SEMA4D: variants seen among roughly 807,000 people sequenced by gnomAD.
The protein encoded by SEMA4D is semaphorin 4D.
In SEMA4D, 22 loss-of-function variants were observed where a neutral mutation model predicts 74.8. The observed-to-expected ratio is 0.29, with a 90% CI of 0.21 to 0.42. The LOEUF is 0.42. SEMA4D is among the 10% of genes least tolerant of loss of function. The probability of loss-of-function intolerance (pLI) is 1.00; values close to 1 mark genes in which losing one functional copy is unlikely to be tolerated. For missense variants in SEMA4D, 937 were observed against 1,118.4 expected (o/e 0.84, Z 2.31); for synonymous variants, 445 against 463.7 (o/e 0.96, Z 0.52).
intron 5 of SEMA4D, among the ~76,000 whole-genome samples, chr9:89,397,084 C>T (rs967587468): frequency 2.0e-5 from 3 of 152,164 alleles, no homozygotes; most frequent in South Asian, 2.1e-4. Flanking sequence ...CCAACCCCAC[C>T]CCTAGGCAAA....
intron 2 of SEMA4D, among the ~76,000 whole-genome samples, chr9:89,447,558 C>A (rs1743398962): frequency 6.6e-6 from 1 of 152,148 alleles, no homozygotes; most frequent in African/African-American, 2.4e-5. Context: ...CTGGGTCCAC[C>A]TTCAAATAAG....
intron 1 of SEMA4D, among the ~76,000 whole-genome samples, chr9:89,495,375 C>G (rs1303584262): frequency 6.6e-6 from 1 of 152,216 alleles, no homozygotes; most frequent in East Asian, 1.9e-4. Context: ...AGGGAAGGCC[C>G]TGGCACACCC....
rs140768268 is a variant in SEMA4D at position 89,385,614 on chromosome 9, G to A, written c.1446+753C>T. The A allele has an allele frequency of 9.7e-4, 931 of 963,866 alleles. 3 individuals are homozygous for A. Among genetic ancestry groups the A allele is most frequent in the African/African-American group, 7.7e-3 (440 of 56,922 alleles). 59.7% of individuals were successfully genotyped at this position (963,866 alleles called of 1,614,324 possible). ...CCATTAGCAGAGGGGAGGTGACCAC[G>A]TAAAAGGACCCAGGCTCCCAAGCTT... On this transcript the variant is annotated intron_variant, in intron 13 of 15. Transcript: ENST00000422704.
intron 6 of SEMA4D, 35 bp downstream of exon 6, chr9:89,396,702 T>G: frequency 6.4e-7 from 1 of 1,559,454 alleles, no homozygotes; most frequent in South Asian, 1.1e-5. Flanking sequence ...CTGACCAGGC[T>G]GGCGTGAGCA....
At chr9:89,382,806 A>G (rs1837447218) in intron 13 of SEMA4D, among the ~76,000 whole-genome samples, 1 of 152,110 alleles carries the variant, frequency 6.6e-6, no homozygotes, top group African/African-American at 2.4e-5. Flanking sequence ...AACACCATGC[A>G]GTGCAGAGCA....
chr9:89,371,918 GGGGTGTGGT>G (rs1834986378), intron 16 of SEMA4D, among the ~76,000 whole-genome samples: 2 of 103,830 alleles, frequency 1.9e-5, no homozygotes, highest in African/African-American at 3.8e-5. Context: ...TGTGGTGTGT[GGGGTGTGGT>G]GTGTGTGGGG....
intron 1 of SEMA4D, among the ~76,000 whole-genome samples, chr9:89,480,090 C>G (rs989463708): frequency 6.6e-6 from 1 of 152,126 alleles, no homozygotes; most frequent in Admixed American, 6.5e-5. Flanking sequence ...CAAGGCCCCA[C>G]CAGAGCAGCT....
In SEMA4D at chr9:89,386,542, G is replaced by T. The variant is rs576292935; in HGVS notation, c.1331-60C>A. ...CCCAGACACAGAAACCAAGGACAGT[G>T]ACCACAGCGGCAAACTTCACACTCT... is the stretch of plus-strand genomic sequence containing the variant. On this transcript the variant is annotated intron_variant, in intron 12 of 15. Transcript: ENST00000422704. 1.5e-5 allele frequency: 17 copies of T among 1,100,462 alleles called. No homozygotes were observed. The East Asian group carries it at 2.8e-4, about 18-fold the overall frequency. 68.2% of individuals were successfully genotyped at this position (1,100,462 alleles called of 1,614,324 possible). A position where few individuals can be genotyped will look rare whatever the true frequency, so the allele number is the denominator to read the frequency against.
intron 2 of SEMA4D, among the ~76,000 whole-genome samples, chr9:89,428,297 C>T (rs1349609069): frequency 6.6e-6 from 1 of 152,238 alleles, no homozygotes; most frequent in Non-Finnish European, 1.5e-5. Flanking sequence ...TCCTTCTGGG[C>T]CTCACATTCG....
intron 16 of SEMA4D, chr9:89,364,388 C>A: frequency 3.7e-6 from 1 of 273,140 alleles, no homozygotes; most frequent in Non-Finnish European, 7.3e-6. Context: ...AGGCCCAGAG[C>A]TCGGCCAGCT....
At chr9:89,443,027 A>G (rs1472633476) in intron 2 of SEMA4D, among the ~76,000 whole-genome samples, 2 of 151,930 alleles carry the variant, frequency 1.3e-5, no homozygotes, top group Non-Finnish European at 2.9e-5. Flanking sequence ...GGCCCCCTGC[A>G]CCCCTACAGC....
rs187211564 is a variant in SEMA4D at position 89,494,264 on chromosome 9, C to T, written c.-310+3655G>A. Reference sequence around the variant, plus strand: ...ACCATACATAAGTACAAAAAGAAGACAAAGTATAGGTTCCCTCTTCCTCTT... The same window carrying T: ...ACCATACATAAGTACAAAAAGAAGATAAAGTATAGGTTCCCTCTTCCTCTT... On this transcript the variant is annotated intron_variant, in intron 1 of 15. Transcript: ENST00000422704. Among the ~76,000 whole-genome samples, 355 of 152,300 alleles carry T rather than the reference C, an allele frequency of 2.3e-3. 1 individual carries two copies. The highest frequency in any genetic ancestry group is 7.2e-3 in the African/African-American group (300 of 41,560).
At position 89,449,595 on chromosome 9, in the gene SEMA4D, C is replaced by T. The variant is rs1853845719; in HGVS notation, c.-244+6293G>A. On this transcript the variant is annotated intron_variant, in intron 2 of 15. Transcript: ENST00000422704. Reference sequence around the variant, plus strand: ...GACGAGCAGCAGGAGCAAACTATCGCCGAGGACCTGGTCGTGACCAACTAT... The same window carrying T: ...GACGAGCAGCAGGAGCAAACTATCGTCGAGGACCTGGTCGTGACCAACTAT... The T allele has an allele frequency of 3.2e-6, 3 of 931,290 alleles. No individual in the cohort carries two copies. The South Asian group carries it at 3.9e-5, about 12-fold the overall frequency. 57.7% of individuals were successfully genotyped at this position (931,290 alleles called of 1,614,324 possible). A position where few individuals can be genotyped will look rare whatever the true frequency, so the allele number is the denominator to read the frequency against.
At chr9:89,495,540 A>T (rs545284966) in intron 1 of SEMA4D, among the ~76,000 whole-genome samples, 4 of 152,268 alleles carry the variant, frequency 2.6e-5, no homozygotes, top group African/African-American at 7.2e-5. Flanking sequence ...GACCCACCCC[A>T]GCTGCCTCTG....
At position 89,381,308 on chromosome 9, in the gene SEMA4D, C is replaced by T; in HGVS notation, c.1485G>A (p.Val495=). 6.5e-7 allele frequency: 1 copy of T among 1,539,284 alleles called. No individual in the cohort carries two copies. Among genetic ancestry groups the T allele is most frequent in the Non-Finnish European group, 8.8e-7 (1 of 1,139,530 alleles). Residue 495 remains valine (V), a synonymous_variant, in exon 14 of 16, where the codon GTG becomes GTA. Transcript: ENST00000422704. The surrounding 1 kb of genome is among the most constrained non-coding windows in gnomAD (Gnocchi z 4.6). The part of the protein sequence containing the change: ...RFVYAGSNSG[V]VQAPLAFCGK... ...CACAGAAGGCCAGCGGGGCCTGGAC[C>T]ACGCCCGAGTTAGAGCCAGCATAGA...
At chr9:89,478,518 T>C (rs1045529872) in intron 1 of SEMA4D, among the ~76,000 whole-genome samples, 1 of 152,164 alleles carries the variant, frequency 6.6e-6, no homozygotes, top group African/African-American at 2.4e-5. Context: ...AACCACCCAG[T>C]GTGTGGTACT....
At chr9:89,445,429 T>A (rs567249328) in intron 2 of SEMA4D, among the ~76,000 whole-genome samples, 239 of 152,288 alleles carry the variant, frequency 1.6e-3, no homozygotes, top group African/African-American at 5.6e-3. Flanking sequence ...AGGACAGAAT[T>A]CTGAGATCAG....
At chr9:89,458,895 T>C (rs1856602920) in intron 1 of SEMA4D, among the ~76,000 whole-genome samples, 1 of 151,270 alleles carries the variant, frequency 6.6e-6, no homozygotes, top group African/African-American at 2.4e-5. Flanking sequence ...TATGTACCTA[T>C]ACGCACACTC....
At chr9:89,385,866 G>GGGGGGGGGCCCCCCCCCCCCCCCCC in intron 13 of SEMA4D, 1 of 196,226 alleles carries the variant, frequency 5.1e-6, no homozygotes. Flanking sequence ...CAGCGTGGAT[G>GGGGGGGGGCCCCCCCCCCCCCCCCC]CCCGCCCACC....
Sources: gnomAD v4.1 joint callset for allele counts (sites outside exome capture counted in the v4.1 genomes callset) on GRCh38, gnomAD v4.1.1 for gene constraint, Gnocchi (gnomAD v3.1) non-coding constraint, MANE v1.5 for transcripts, NCBI Gene and HGNC (gene_info 2026-07-23, HGNC 2026-07-21) for gene names.